The following RIPOR3 variants were observed in gnomAD, a reference collection of about 807,000 sequenced individuals.
RIPOR3 encodes the protein RIPOR family member 3.
A neutral mutation model predicts 114.3 loss-of-function variants in RIPOR3; 95 were observed. The ratio of observed to expected loss-of-function variants is 0.83; its 90% CI spans 0.70 to 0.99. The LOEUF (loss-of-function observed/expected upper bound fraction) is 0.99. Ranked by LOEUF, RIPOR3 falls within the 50% of genes least tolerant of loss-of-function variation. The pLI, the probability that RIPOR3 is intolerant of heterozygous loss-of-function variation, is 0.00. For synonymous variants in RIPOR3, 575 were observed against 543.8 expected (o/e 1.06, Z -0.80); for missense variants, 1,252 against 1,266.9 (o/e 0.99, Z 0.18).
intron 8 of RIPOR3, 52 bp downstream of exon 8, chr20:50,609,241 A>C (rs541321925): frequency 1.9e-6 from 3 of 1,590,512 alleles, no homozygotes; most frequent in East Asian, 2.2e-5. Context: ...CCTCAGCAGA[A>C]GTCTCAGGGC....
intron 16 of RIPOR3, chr20:50,595,135 T>C (rs2083244058): frequency 5.2e-6 from 3 of 573,784 alleles, no homozygotes. Context: ...CTCAGAGATG[T>C]GAATCATTTG....
intron 1 of RIPOR3, chr20:50,636,933 C>T: frequency 1.0e-6 from 1 of 984,742 alleles, no homozygotes; most frequent in Non-Finnish European, 1.2e-6. Flanking sequence ...GAGTCCCTCA[C>T]TTAGGGCTCC....
At chr20:50,588,863 G>A (rs1415608685) in intron 20 of RIPOR3, among the ~76,000 whole-genome samples, 2 of 151,272 alleles carry the variant, frequency 1.3e-5, no homozygotes, top group African/African-American at 4.9e-5. Flanking sequence ...GGCAGATCAC[G>A]AGGTCAGGAG....
intron 18 of RIPOR3, 130 bp from the exon 19 acceptor site, chr20:50,592,676 GC>G: frequency 2.4e-6 from 2 of 844,138 alleles, no homozygotes; most frequent in Non-Finnish European, 3.4e-6. Context: ...GATCACCAAG[GC>G]CCAGCCTGGA....
intron 14 of RIPOR3, 166 bp downstream of exon 14, chr20:50,597,414 G>A (rs921200964): frequency 3.9e-6 from 4 of 1,019,724 alleles, no homozygotes; most frequent in African/African-American, 3.2e-5. Context: ...TGAGGCAAGT[G>A]GGGGATGTGC....
intron 1 of RIPOR3, chr20:50,662,176 C>G (rs562442869): frequency 1.3e-5 from 2 of 152,404 alleles, no homozygotes; most frequent in East Asian, 3.9e-4. Context: ...CTGGGAGCAT[C>G]TGCTTTTGTC....
chr20:50,644,548 A>G (rs959766496), intron 1 of RIPOR3, among the ~76,000 whole-genome samples: 12 of 151,514 alleles, frequency 7.9e-5, no homozygotes, highest in Non-Finnish European at 1.6e-4. Context: ...CAGTGGTGCA[A>G]TCTTGGCTCA....
At chr20:50,613,800 T>C (rs1328833067) in intron 4 of RIPOR3, among the ~76,000 whole-genome samples, 2 of 152,224 alleles carry the variant, frequency 1.3e-5, no homozygotes, top group Admixed American at 1.3e-4. Context: ...GGGCAGGTGC[T>C]GGAGCTGGGT....
chr20:50,612,415 A>G (rs2084009599), intron 4 of RIPOR3, among the ~76,000 whole-genome samples: 1 of 152,090 alleles, frequency 6.6e-6, no homozygotes, highest in Non-Finnish European at 1.5e-5. Flanking sequence ...AAGTGACTCT[A>G]ATTTTAAAAT....
chr20:50,627,303 C>T (rs1382322917), intron 2 of RIPOR3, among the ~76,000 whole-genome samples: 3 of 151,204 alleles, frequency 2.0e-5, no homozygotes, highest in African/African-American at 7.3e-5. Flanking sequence ...GAGTTCGAGA[C>T]CAGCCTGACC....
Position 50,671,419 on chromosome 20 carries a change from C to T in RIPOR3, c.3+19707G>A, listed in dbSNP as rs891267641. On this transcript the variant is annotated intron_variant, in intron 1 of 21. Transcript: ENST00000327979. ...TCTCACATGAGCACGCGCGCGTGCACGCGCGCGCGCACACACACACACACA... is the reference window on the plus strand; with the variant it reads ...TCTCACATGAGCACGCGCGCGTGCATGCGCGCGCGCACACACACACACACA... 2.0e-3 allele frequency among the ~76,000 whole-genome samples: 36 copies of T among 18,352 alleles called. No homozygotes were observed. The South Asian group carries it at 0.11, about 54-fold the overall frequency. The allele number at this position is 18,352 out of a possible 152,430, so 12.0% of individuals were successfully genotyped here. A position where few individuals can be genotyped will look rare whatever the true frequency, so the allele number is the denominator to read the frequency against.
chr20:50,649,532 G>C (rs2085527947), intron 1 of RIPOR3, among the ~76,000 whole-genome samples: 1 of 152,196 alleles, frequency 6.6e-6, no homozygotes, highest in African/African-American at 2.4e-5. Flanking sequence ...TCCCTCTGGA[G>C]AGCATGGACC....
Position 50,594,677 on chromosome 20 carries a change from C to T in RIPOR3, c.2088G>A (p.Lys696=). The T allele has an allele frequency of 6.2e-7, 1 of 1,613,408 alleles. No homozygotes were observed. Among genetic ancestry groups the T allele is most frequent in the East Asian group, 2.2e-5 (1 of 44,872 alleles). ...PQASRTKGCL[K]LWRGCTGPGR... is the part of the protein sequence containing the mutation. ...CAGGCCCTGTGCACCCTCTCCACAG[C>T]TTCAGGCACCCCTTCGTCCGCGAGG... The change falls in exon 17 of 22, where the codon AAG becomes AAA. Residue 696 remains lysine, a synonymous_variant. Transcript: ENST00000327979.
intron 13 of RIPOR3, 74 bp downstream of exon 13, chr20:50,601,998 C>T: frequency 7.2e-7 from 1 of 1,381,278 alleles, no homozygotes; most frequent in Non-Finnish European, 9.5e-7. Context: ...GGCTGCGTGG[C>T]CCCAGAGCCC....
rs375357170 is a variant in RIPOR3, at chr20:50,587,898, C to T, written c.2662-6G>A. ...TGGTCGATGCTTTCAATGCCCTGTT[C>T]GAGATTAGGAGAAAAAGAACCCTTT... On this transcript the variant is annotated splice_region_variant and splice_polypyrimidine_tract_variant and intron_variant, in intron 20 of 21. Transcript: ENST00000327979. 2.5e-5 allele frequency: 40 copies of T among 1,613,880 alleles called. No homozygotes were observed. The South Asian group carries it at 3.2e-4, about 13-fold the overall frequency.
chr20:50,599,956 A>G (rs1054827717), intron 13 of RIPOR3, among the ~76,000 whole-genome samples: 1 of 151,678 alleles, frequency 6.6e-6, no homozygotes, highest in Non-Finnish European at 1.5e-5. Context: ...GCTGGAGTGC[A>G]TTGGTGCGAT....
At chr20:50,649,093 G>C (rs1270313933) in intron 1 of RIPOR3, among the ~76,000 whole-genome samples, 1 of 152,148 alleles carries the variant, frequency 6.6e-6, no homozygotes, top group Admixed American at 6.5e-5. Flanking sequence ...GTTGTCCCAT[G>C]GTGCTTCCCA....
chr20:50,620,151 G>A lies in RIPOR3; in HGVS notation c.123-19C>T. The A allele has an allele frequency of 1.2e-6, 2 of 1,610,842 alleles. No homozygotes were observed. Among genetic ancestry groups the A allele is most frequent in the Non-Finnish European group, 1.7e-6 (2 of 1,178,492 alleles). On this transcript the variant is annotated intron_variant, in intron 2 of 21. Transcript: ENST00000327979. ...GGACTTTCTGTGAGAAGGGTTGGAG[G>A]GCAAGAGAAGTCAGAGAAGGGCCCT...
chr20:50,599,944 A>G (rs2083438154), intron 13 of RIPOR3, among the ~76,000 whole-genome samples: 1 of 151,940 alleles, frequency 6.6e-6, no homozygotes, highest in African/African-American at 2.4e-5. Context: ...TCTGTTGCCC[A>G]GGCTGGAGTG....
Sources: allele counts gnomAD v4.1 joint callset (sites outside exome capture counted in the v4.1 genomes callset), GRCh38; gene constraint gnomAD v4.1.1; transcripts MANE v1.5; gene names NCBI Gene and HGNC (gene_info 2026-07-23, HGNC 2026-07-21).